Variants in UBASH3B observed in about 807,000 individuals in gnomAD.
The protein encoded by UBASH3B is ubiquitin-associated and SH3 domain-containing protein B.
Under a neutral mutation model 83.4 loss-of-function variants are expected in UBASH3B, and 37 were observed. That is an observed-to-expected ratio of 0.44 (90% CI 0.34 to 0.58). The LOEUF is 0.58. Among genes scored for constraint, UBASH3B ranks in the 20% least tolerant of loss-of-function variants. The pLI is 0.01. For synonymous variants in UBASH3B, 304 were observed against 318.3 expected (o/e 0.96, Z 0.48); for missense variants, 657 against 827.2 (o/e 0.79, Z 2.52).
chr11:122,800,532 T>G (rs1169153847), intron 10 of UBASH3B, among the ~76,000 whole-genome samples: 1 of 151,476 alleles, frequency 6.6e-6, no homozygotes, highest in Non-Finnish European at 1.5e-5. Context: ...TCAGCCTAGG[T>G]GACAGAGCAA....
At chr11:122,781,174 C>T (rs993476425) in intron 4 of UBASH3B, among the ~76,000 whole-genome samples, 1 of 151,490 alleles carries the variant, frequency 6.6e-6, no homozygotes, top group African/African-American at 2.4e-5. Context: ...GCAACCCCCA[C>T]CCCCACCTCT....
intron 4 of UBASH3B, chr11:122,782,835 G>A (rs1244000208): frequency 3.6e-6 from 2 of 548,186 alleles, no homozygotes. Flanking sequence ...GAGGAAAGCC[G>A]TATGGTGGCT....
At chr11:122,797,742 G>A (rs115403646) in intron 9 of UBASH3B, among the ~76,000 whole-genome samples, 107 of 152,274 alleles carry the variant, frequency 7.0e-4, no homozygotes, top group Non-Finnish European at 2.1e-4. Flanking sequence ...GCTGAGAGCT[G>A]AAGTAGAAGT....
At chr11:122,728,425 CAG>C (rs746682596) in intron 1 of UBASH3B, among the ~76,000 whole-genome samples, 17 of 152,204 alleles carry the variant, frequency 1.1e-4, no homozygotes, top group Non-Finnish European at 2.1e-4. Flanking sequence ...GCGTAGCTGA[CAG>C]GGTAAAATTT....
intron 1 of UBASH3B, among the ~76,000 whole-genome samples, chr11:122,748,736 G>T (rs1591797015): frequency 6.6e-6 from 1 of 152,120 alleles, no homozygotes; most frequent in Non-Finnish European, 1.5e-5. Flanking sequence ...TAAATGCAAG[G>T]CCTGCTGCCC....
At chr11:122,697,107 G>T (rs551296959) in intron 1 of UBASH3B, among the ~76,000 whole-genome samples, 2 of 152,122 alleles carry the variant, frequency 1.3e-5, no homozygotes, top group Admixed American at 6.6e-5. Flanking sequence ...TTAGGGTTTG[G>T]GGGGGAAGTT....
In UBASH3B at chr11:122,758,332, G is replaced by A. The variant is rs192353572; in HGVS notation, c.162-17887G>A. On this transcript the variant is annotated intron_variant, in intron 1 of 13. Coordinates refer to ENST00000284273, the MANE Select transcript of UBASH3B (RefSeq NM_032873.5). This position sits in a 1 kb window ranked among gnomAD's most constrained non-coding sequence, Gnocchi z 4.2. ...AGTAAATAATTTCAGGAAATTGAGC[G>A]TAACCTTTCTTAGCAGCTTAGCAGT... 1.9e-4 allele frequency among the ~76,000 whole-genome samples: 29 copies of A among 152,358 alleles called. No homozygotes were observed. The highest frequency in any genetic ancestry group is 5.8e-4 in the African/African-American group (24 of 41,586).
At chr11:122,763,026 C>T (rs1384670565) in intron 1 of UBASH3B, among the ~76,000 whole-genome samples, 1 of 152,138 alleles carries the variant, frequency 6.6e-6, no homozygotes, top group Admixed American at 6.5e-5. Context: ...CCGTTATTAC[C>T]GCCATTTAAG....
At chr11:122,798,663 A>G (rs1360601546) in intron 9 of UBASH3B, among the ~76,000 whole-genome samples, 2 of 148,952 alleles carry the variant, frequency 1.3e-5, no homozygotes, top group African/African-American at 2.5e-5. Flanking sequence ...GTGAGCCGAG[A>G]TCACACCACT....
chr11:122,782,905 C>A, intron 4 of UBASH3B, 148 bp from the exon 5 acceptor site: 1 of 920,502 alleles, frequency 1.1e-6, no homozygotes, highest in Non-Finnish European at 1.7e-6. Flanking sequence ...CCTTATTCTA[C>A]TGCTGTGAAG....
chr11:122,655,855 T>G lies in UBASH3B; in HGVS notation c.-195T>G. 1.7e-6 allele frequency: 1 copy of G among 572,430 alleles called. No individual in the cohort carries two copies. The highest frequency in any genetic ancestry group is 2.8e-6 in the Non-Finnish European group (1 of 356,732). 35.5% of individuals were successfully genotyped at this position (572,430 alleles called of 1,614,324 possible). A position where few individuals can be genotyped will look rare whatever the true frequency, so the allele number is the denominator to read the frequency against. Reference sequence around the variant, plus strand: ...GTCCCGCAGCGGCCGCTTGCCGGCGTTCTGGCTCCTGTGGCCTCACCAGGA... The same window carrying G: ...GTCCCGCAGCGGCCGCTTGCCGGCGGTCTGGCTCCTGTGGCCTCACCAGGA... On this transcript the variant is annotated 5_prime_UTR_variant, in exon 1 of 14. Transcript: ENST00000284273.
chr11:122,717,612 A>G (rs1374067349), intron 1 of UBASH3B, among the ~76,000 whole-genome samples: 2 of 152,190 alleles, frequency 1.3e-5, no homozygotes, highest in East Asian at 3.8e-4. Flanking sequence ...CCCTGTGTTC[A>G]GCAAAGTGGG....
chr11:122,710,053 G>A (rs1864171414), intron 1 of UBASH3B, among the ~76,000 whole-genome samples: 1 of 151,644 alleles, frequency 6.6e-6, no homozygotes. Flanking sequence ...CTACTTGGGA[G>A]GCTGAGGCAG....
At chr11:122,795,085 G>GTTCCTAC (rs1861132268) in intron 7 of UBASH3B, among the ~76,000 whole-genome samples, 1 of 152,190 alleles carries the variant, frequency 6.6e-6, no homozygotes, top group African/African-American at 2.4e-5. Flanking sequence ...TAGGAGGAGA[G>GTTCCTAC]TTTATCTCTA....
chr11:122,744,898 T>TGTGTGTGTGCGC lies in UBASH3B; in HGVS notation c.162-31320_162-31319insTGTGTGTGCGCG, dbSNP rs1293701124. The stretch of plus-strand genomic sequence containing the variant: ...CTGTGTGTGTGTGTGTGTGTGTGTG[T>TGTGTGTGTGCGC]GCGCGCGCGCGCGCACTTGGGCACG... On this transcript the variant is annotated intron_variant, in intron 1 of 13. Coordinates refer to ENST00000284273, the MANE Select transcript of UBASH3B (RefSeq NM_032873.5). 3.7e-4 allele frequency among the ~76,000 whole-genome samples: 40 copies of TGTGTGTGTGCGC among 107,926 alleles called. 1 individual carries two copies. The highest frequency in any genetic ancestry group is 1.1e-3 in the South Asian group (3 of 2,658). The allele number at this position is 107,926 out of a possible 152,430, so 70.8% of individuals were successfully genotyped here.
intron 5 of UBASH3B, among the ~76,000 whole-genome samples, chr11:122,784,890 C>T (rs892361275): frequency 2.6e-5 from 4 of 152,044 alleles, no homozygotes; most frequent in African/African-American, 9.7e-5. Flanking sequence ...TGGGCCTGAT[C>T]TTATTTAAGA....
chr11:122,723,445 T>A (rs1860677723), intron 1 of UBASH3B, among the ~76,000 whole-genome samples: 1 of 152,214 alleles, frequency 6.6e-6, no homozygotes, highest in Non-Finnish European at 1.5e-5. Context: ...CATTCTCCCA[T>A]CTATCAGTTG....
chr11:122,779,436 G>C, intron 3 of UBASH3B, 61 bp from the exon 4 acceptor site: 3 of 1,585,572 alleles, frequency 1.9e-6, no homozygotes, highest in South Asian at 2.2e-5. Flanking sequence ...CCAATGTTAA[G>C]TAGCAGCAGA....
intron 1 of UBASH3B, among the ~76,000 whole-genome samples, chr11:122,678,503 GCTAAATCT>G (rs1181774301): frequency 6.6e-6 from 1 of 152,220 alleles, no homozygotes; most frequent in Non-Finnish European, 1.5e-5. Flanking sequence ...GATGGTGAAG[GCTAAATCT>G]CTTTCCTAGG....
Sources: allele counts gnomAD v4.1 joint callset (sites outside exome capture counted in the v4.1 genomes callset), GRCh38; gene constraint gnomAD v4.1.1; non-coding constraint Gnocchi (gnomAD v3.1); transcripts MANE v1.5; gene names NCBI Gene and HGNC (gene_info 2026-07-23, HGNC 2026-07-21).